The following CLIC5 variants were observed in gnomAD, a reference collection of about 807,000 sequenced individuals.
CLIC5 encodes the protein CLIC family member 5, also known as chloride intracellular channel protein 5.
CLIC5 carries 20 observed loss-of-function variants against 24.7 expected under a neutral mutation model. That is an observed-to-expected ratio of 0.81 (90% CI 0.57 to 1.18). The LOEUF (loss-of-function observed/expected upper bound fraction) is 1.18. Among genes scored for constraint, CLIC5 ranks in the 50% most tolerant of loss-of-function variants. CLIC5 has a pLI of 0.00. For missense variants in CLIC5, 341 were observed against 326.1 expected, an observed-to-expected ratio of 1.05 and a Z score of -0.35; for synonymous variants, 159 against 135.6, an observed-to-expected ratio of 1.17 and a Z score of -1.20.
At chr6:45,995,827 C>T (rs1047326025) in intron 1 of CLIC5, among the ~76,000 whole-genome samples, 1 of 152,016 alleles carries the variant, frequency 6.6e-6, no homozygotes. Context: ...GACATGGAAG[C>T]TCAAAGCCAT....
intron 6 of CLIC5, among the ~76,000 whole-genome samples, chr6:45,892,847 G>T (rs1365119026): frequency 6.6e-6 from 1 of 152,088 alleles, no homozygotes; most frequent in Non-Finnish European, 1.5e-5. Flanking sequence ...TAGGTCAAGT[G>T]GTCTTACTGA....
intron 6 of CLIC5, among the ~76,000 whole-genome samples, chr6:45,887,554 A>G (rs761696201): frequency 6.6e-6 from 1 of 152,090 alleles, no homozygotes; most frequent in Admixed American, 6.6e-5. Flanking sequence ...TCTGAGCTTT[A>G]TATCTCAAGC....
At position 46,006,664 on chromosome 6, in the gene CLIC5, G is replaced by T. The variant is rs979796688; in HGVS notation, c.63+8816C>A. 4.7e-5 allele frequency among the ~76,000 whole-genome samples: 7 copies of T among 149,298 alleles called. No individual in the cohort carries two copies. In the East Asian group the frequency reaches 9.8e-4, roughly 21 times the overall value. On this transcript the variant is annotated intron_variant, in intron 1 of 5. Transcript: ENST00000339561. ...CGTGCCTCATTCCTCCCTCTCAAATGATATTTCTTTTTTTTCCTTTTTTTT... is the reference window on the plus strand; with the variant it reads ...CGTGCCTCATTCCTCCCTCTCAAATTATATTTCTTTTTTTTCCTTTTTTTT...
At chr6:45,904,516 C>T (rs80107703) in intron 5 of CLIC5, among the ~76,000 whole-genome samples, 2,898 of 151,178 alleles carry the variant, frequency 0.019, 96 homozygotes, top group African/African-American at 0.067. Flanking sequence ...TAAACAGGGC[C>T]CCCCTGTTTT....
At chr6:46,042,952 C>G (rs888815350) in intron 1 of CLIC5, among the ~76,000 whole-genome samples, 2 of 152,234 alleles carry the variant, frequency 1.3e-5, no homozygotes, top group Non-Finnish European at 2.9e-5. Flanking sequence ...AAGGCACATG[C>G]TTCTGGGTGC....
At chr6:45,935,887 C>T (rs182186394) in intron 4 of CLIC5, among the ~76,000 whole-genome samples, 1 of 152,276 alleles carries the variant, frequency 6.6e-6, no homozygotes, top group East Asian at 1.9e-4. Flanking sequence ...GCAAAAGTCT[C>T]CCAGGACCTT....
At chr6:45,928,831 A>G (rs910303280) in intron 4 of CLIC5, among the ~76,000 whole-genome samples, 3 of 151,356 alleles carry the variant, frequency 2.0e-5, no homozygotes, top group Non-Finnish European at 4.4e-5. Context: ...TTTGGTTCCT[A>G]TGTGTAGACT....
At chr6:45,889,029 G>A (rs1271452804) in intron 6 of CLIC5, among the ~76,000 whole-genome samples, 1 of 152,196 alleles carries the variant, frequency 6.6e-6, no homozygotes, top group African/African-American at 2.4e-5. Context: ...GTAGTATGCA[G>A]TTGTAAAAAG....
chr6:46,107,773 C>T, the CLIC5 span, among the ~76,000 whole-genome samples: 16 of 152,026 alleles, frequency 1.1e-4, no homozygotes, highest in Admixed American at 3.9e-4. Flanking sequence ...CATTGGCTCA[C>T]GCCTGTAATC....
At chr6:46,005,219 G>A (rs77184043) in intron 1 of CLIC5, among the ~76,000 whole-genome samples, 18 of 152,312 alleles carry the variant, frequency 1.2e-4, no homozygotes, top group Admixed American at 3.3e-4. Flanking sequence ...TCCATTCACT[G>A]CACATCCTCC....
chr6:45,949,181 A>C, intron 3 of CLIC5, 75 bp downstream of exon 3: 1 of 1,523,078 alleles, frequency 6.6e-7, no homozygotes, highest in Non-Finnish European at 8.8e-7. Context: ...ATCTGCCCGA[A>C]GTTAACACCA....
At chr6:45,905,033 A>G (rs1389078017) in intron 5 of CLIC5, among the ~76,000 whole-genome samples, 1 of 152,086 alleles carries the variant, frequency 6.6e-6, no homozygotes, top group Non-Finnish European at 1.5e-5. Flanking sequence ...AGCTGCATCC[A>G]TGTTGCTAAA....
At position 45,903,012 on chromosome 6, in the gene CLIC5, G is replaced by A; in HGVS notation, c.*76C>T. 6.6e-7 allele frequency: 1 copy of A among 1,517,204 alleles called. No homozygotes were observed. Among genetic ancestry groups the A allele is most frequent in the South Asian group, 1.2e-5 (1 of 86,740 alleles). 94.0% of individuals were successfully genotyped at this position (1,517,204 alleles called of 1,614,324 possible). On this transcript the variant is annotated 3_prime_UTR_variant, in exon 6 of 6. Coordinates refer to ENST00000339561, the MANE Select transcript of CLIC5 (RefSeq NM_016929.5). ...AAGTGCGCCTCAAGGCAGTGATACA[G>A]AGGAGTCTATGAAGCTGGAGTCTTA...
At chr6:46,050,784 G>T (rs1768080357) in intron 1 of CLIC5, among the ~76,000 whole-genome samples, 2 of 151,810 alleles carry the variant, frequency 1.3e-5, no homozygotes, top group Non-Finnish European at 2.9e-5. Context: ...TTTTCTTGGC[G>T]ATTTTAAGGT....
intron 5 of CLIC5, chr6:45,912,220 G>T (rs1270738268): frequency 1.0e-6 from 1 of 987,584 alleles, no homozygotes; most frequent in Non-Finnish European, 1.2e-6. Flanking sequence ...GGTTTGCCAG[G>T]TTTCTGGGAT....
At chr6:45,932,086 A>G (rs12055836) in intron 4 of CLIC5, among the ~76,000 whole-genome samples, 9,246 of 152,154 alleles carry the variant, frequency 0.061, 515 homozygotes, top group East Asian at 0.21. Context: ...CTGGCAGTCC[A>G]TTCTACAGAT....
chr6:45,967,150 C>T (rs1025487505), intron 1 of CLIC5, among the ~76,000 whole-genome samples: 7 of 152,202 alleles, frequency 4.6e-5, no homozygotes, highest in Admixed American at 1.3e-4. Context: ...TTCTTGGCTG[C>T]GTGGAGTACC....
intron 4 of CLIC5, among the ~76,000 whole-genome samples, chr6:45,930,859 A>G (rs1203477320): frequency 3.9e-5 from 6 of 152,164 alleles, no homozygotes; most frequent in African/African-American, 7.2e-5. Context: ...TACAATCTCC[A>G]TATTACCGTT....
the CLIC5 span, among the ~76,000 whole-genome samples, chr6:46,114,696 C>T: frequency 6.6e-6 from 1 of 152,158 alleles, no homozygotes; most frequent in Admixed American, 6.5e-5. Flanking sequence ...TTCAACCCTT[C>T]AGAATTATGA....
Sources: gnomAD v4.1 joint callset for allele counts (sites outside exome capture counted in the v4.1 genomes callset) on GRCh38, gnomAD v4.1.1 for gene constraint, MANE v1.5 for transcripts, NCBI Gene and HGNC (gene_info 2026-07-23, HGNC 2026-07-21) for gene names.